PTPN14: variants seen among roughly 807,000 people sequenced by gnomAD.
The protein encoded by PTPN14 is tyrosine-protein phosphatase non-receptor type 14.
In PTPN14, 53 loss-of-function variants were observed where a neutral mutation model predicts 126.8. The observed-to-expected ratio is 0.42, with a 90% confidence interval of 0.34 to 0.53. The LOEUF is 0.53. Ranked by LOEUF, PTPN14 falls within the 20% of genes least tolerant of loss-of-function variation. The pLI is 0.08. For missense variants in PTPN14, 1,257 were observed against 1,552.9 expected (o/e 0.81, Z 3.20); for synonymous variants, 630 against 599.3 (o/e 1.05, Z -0.75).
rs887499908 is a variant in PTPN14 at position 214,384,662 on chromosome 1, T to C, written c.1193A>G (p.Asn398Ser). 1.6e-5 allele frequency: 26 copies of C among 1,613,888 alleles called. No individual in the cohort carries two copies. The highest frequency in any genetic ancestry group is 2.1e-5 in the Non-Finnish European group (25 of 1,180,006). ...VCSVHSVNSL[N>S]CSQSFIQASP... The stretch of plus-strand genomic sequence containing the variant: ...GGCCTGGATGAAACTTTGCGAGCAG[T>C]TGAGGGAGTTGACGCTGTGAACGCT... Residue 398 changes from asparagine (N) to serine (S), a missense_variant, in exon 13 of 19, where the codon AAC (asparagine) becomes AGC (serine). This residue lies in a region of PTPN14 where 1,021 missense variants were observed against 1,183.3 expected (regional missense o/e 0.86). Coordinates refer to ENST00000366956, the MANE Select transcript of PTPN14 (RefSeq NM_005401.5). This position sits in a 1 kb window ranked among gnomAD's most constrained non-coding sequence, Gnocchi z 5.3.
chr1:214,377,993 C>T lies in PTPN14; in HGVS notation c.2654G>A (p.Arg885Gln), dbSNP rs1159511148. Residue 885 changes from arginine (R) to glutamine (Q), a missense_variant, in exon 14 of 19, where the codon CGA becomes CAA. Arg to Gln is a conservative substitution (Grantham distance 43, BLOSUM62 1). Around this residue, in one of 3 missense-constraint regions of PTPN14, gnomAD observed 1,021 missense variants for 1,183.3 expected, o/e 0.86. Coordinates refer to ENST00000366956, the MANE Select transcript of PTPN14 (RefSeq NM_005401.5). ...CATGGGAACCCGGGTGGCATCAACT[C>T]GATTCTCTTCCCGCCCTGAGACTCG... ...VARVSGREEN[R>Q]VDATRVPMDE... 1.1e-5 allele frequency: 17 copies of T among 1,613,530 alleles called. No homozygotes were observed. Among genetic ancestry groups the T allele is most frequent in the East Asian group, 2.2e-5 (1 of 44,842 alleles).
chr1:214,387,205 A>G (rs1326894917), intron 11 of PTPN14, among the ~76,000 whole-genome samples: 1 of 152,238 alleles, frequency 6.6e-6, no homozygotes, highest in Non-Finnish European at 1.5e-5. Flanking sequence ...TTTACTATCT[A>G]TGTTCTAATA....
intron 17 of PTPN14, among the ~76,000 whole-genome samples, chr1:214,365,792 A>T (rs1348948567): frequency 1.3e-5 from 2 of 152,342 alleles, no homozygotes. Context: ...TACGATGATG[A>T]TGACTAGTAG....
intron 1 of PTPN14, among the ~76,000 whole-genome samples, chr1:214,541,253 G>T (rs1040914056): frequency 6.6e-6 from 1 of 152,154 alleles, no homozygotes; most frequent in Admixed American, 6.5e-5. Flanking sequence ...ATGTAAAAAA[G>T]AATTGCAGTG....
At chr1:214,525,591 A>T (rs1189979680) in intron 1 of PTPN14, among the ~76,000 whole-genome samples, 1 of 152,176 alleles carries the variant, frequency 6.6e-6, no homozygotes, top group African/African-American at 2.4e-5. Context: ...TTCCTCTTTC[A>T]CTCTGACCGC....
intron 1 of PTPN14, among the ~76,000 whole-genome samples, chr1:214,470,163 C>T (rs539017778): frequency 6.6e-6 from 1 of 152,204 alleles, no homozygotes; most frequent in East Asian, 1.9e-4. Context: ...GTTTTGTGCA[C>T]CTGTAGTCTC....
chr1:214,470,169 G>A (rs751280390), intron 1 of PTPN14, among the ~76,000 whole-genome samples: 6 of 152,152 alleles, frequency 3.9e-5, no homozygotes, highest in Non-Finnish European at 8.8e-5. Context: ...TGCACCTGTA[G>A]TCTCAGCTAC....
intron 3 of PTPN14, among the ~76,000 whole-genome samples, chr1:214,418,199 G>T (rs1328077156): frequency 6.6e-6 from 1 of 152,148 alleles, no homozygotes; most frequent in Non-Finnish European, 1.5e-5. Flanking sequence ...GAGCAGGGAG[G>T]GCAGGCTGCT....
At position 214,384,882 on chromosome 1, in the gene PTPN14, C is replaced by T. The variant is rs980205280; in HGVS notation, c.1067-94G>A. 1.3e-4 allele frequency: 195 copies of T among 1,446,156 alleles called. 1 individual carries two copies. Among genetic ancestry groups the T allele is most frequent in the Non-Finnish European group, 1.6e-4 (169 of 1,076,416 alleles). The allele number at this position is 1,446,156 out of a possible 1,614,324, so 89.6% of individuals were successfully genotyped here. A position where few individuals can be genotyped will look rare whatever the true frequency, so the allele number is the denominator to read the frequency against. On this transcript the variant is annotated intron_variant, in intron 12 of 18. Coordinates refer to ENST00000366956, the MANE Select transcript of PTPN14 (RefSeq NM_005401.5). The surrounding 1 kb of genome is among the most constrained non-coding windows in gnomAD (Gnocchi z 5.3). Reference sequence around the variant, plus strand: ...CTCATGAGGTGACTTTTAATTTAAACAAATCATAAAAAGTGAAATCCCATG... The same window carrying T: ...CTCATGAGGTGACTTTTAATTTAAATAAATCATAAAAAGTGAAATCCCATG...
chr1:214,542,747 G>C (rs901024280), intron 1 of PTPN14, among the ~76,000 whole-genome samples: 2 of 152,190 alleles, frequency 1.3e-5, no homozygotes, highest in African/African-American at 4.8e-5. Context: ...AAATGACTGG[G>C]CCTGTTCAGG....
chr1:214,469,712 C>G (rs1660711518), intron 1 of PTPN14, among the ~76,000 whole-genome samples: 1 of 149,808 alleles, frequency 6.7e-6, no homozygotes, highest in African/African-American at 2.5e-5. Context: ...AGAGTGAGCC[C>G]TAATGGAAAC....
At chr1:214,444,030 A>G (rs1025530997) in intron 3 of PTPN14, among the ~76,000 whole-genome samples, 2 of 152,242 alleles carry the variant, frequency 1.3e-5, no homozygotes, top group Admixed American at 1.3e-4. Flanking sequence ...TTGTTATTAC[A>G]TTCCCACTAA....
intron 1 of PTPN14, among the ~76,000 whole-genome samples, chr1:214,470,658 C>T (rs1425019095): frequency 1.3e-5 from 2 of 151,822 alleles, no homozygotes; most frequent in East Asian, 3.9e-4. Flanking sequence ...GTGGCAGATG[C>T]CCGTAATCCC....
intron 1 of PTPN14, chr1:214,483,411 G>A (rs1387633854): frequency 6.6e-7 from 1 of 1,522,196 alleles, no homozygotes; most frequent in Non-Finnish European, 9.1e-7. Context: ...CGACCGGGTG[G>A]GCACTGGTGG....
intron 7 of PTPN14, 83 bp downstream of exon 7, chr1:214,401,601 TG>T: frequency 8.3e-7 from 1 of 1,203,488 alleles, no homozygotes; most frequent in Non-Finnish European, 1.2e-6. Flanking sequence ...CAAGCCATTC[TG>T]GCCCACTGCT....
chr1:214,545,461 G>C (rs1156486227), intron 1 of PTPN14, among the ~76,000 whole-genome samples: 1 of 152,070 alleles, frequency 6.6e-6, no homozygotes, highest in Non-Finnish European at 1.5e-5. Flanking sequence ...CTTCATGAAG[G>C]CTCCTCCTAA....
At position 214,357,775 on chromosome 1, in the gene PTPN14, G is replaced by A. The variant is rs918405503; in HGVS notation, c.*147C>T. ...TCTCATATAAAATAATACATGGTAT[G>A]TGTGAATAATCTTGGCTACTGTCTT... On this transcript the variant is annotated 3_prime_UTR_variant, in exon 19 of 19. Coordinates refer to ENST00000366956, the MANE Select transcript of PTPN14 (RefSeq NM_005401.5). The A allele has an allele frequency of 5.1e-6, 3 of 593,220 alleles. No homozygotes were observed. The African/African-American group carries it at 5.5e-5, about 11-fold the overall frequency. 36.7% of individuals were successfully genotyped at this position (593,220 alleles called of 1,614,324 possible). A position where few individuals can be genotyped will look rare whatever the true frequency, so the allele number is the denominator to read the frequency against.
intron 17 of PTPN14, among the ~76,000 whole-genome samples, chr1:214,367,711 G>A (rs997024471): frequency 3.9e-5 from 6 of 152,118 alleles, no homozygotes; most frequent in Admixed American, 3.3e-4. Flanking sequence ...GACAAGCACA[G>A]GACAGTTAGA....
At chr1:214,401,512 C>T (rs965384779) in intron 7 of PTPN14, among the ~76,000 whole-genome samples, 173 bp downstream of exon 7, 1 of 152,210 alleles carries the variant, frequency 6.6e-6, no homozygotes, top group Non-Finnish European at 1.5e-5. Flanking sequence ...AACTTCAAAA[C>T]GTCTTGGTTA....
Sources: gnomAD v4.1 joint callset for allele counts (sites outside exome capture counted in the v4.1 genomes callset) on GRCh38, gnomAD v4.1.1 for gene constraint, gnomAD v4.1.1 regional missense constraint, Gnocchi (gnomAD v3.1) non-coding constraint, MANE v1.5 for transcripts, NCBI Gene and HGNC (gene_info 2026-07-23, HGNC 2026-07-21) for gene names.